Variants in P3H2 observed in about 807,000 individuals in gnomAD.
P3H2 encodes the protein prolyl 3-hydroxylase 2, also known as leprecan-like 1.
Under a neutral mutation model 87.0 loss-of-function variants are expected in P3H2, and 80 were observed. That is an observed-to-expected ratio of 0.92 (90% CI 0.77 to 1.11). P3H2 has a LOEUF of 1.11. Among genes scored for constraint, P3H2 ranks in the 50% least tolerant of loss-of-function variants. The pLI, the probability that P3H2 is intolerant of heterozygous loss-of-function variation, is 0.00. For synonymous variants in P3H2, 367 were observed against 359.3 expected, an observed-to-expected ratio of 1.02 and a Z score of -0.24; for missense variants, 1,001 against 923.9, an observed-to-expected ratio of 1.08 and a Z score of -1.08.
chr3:190,046,682 A>C (rs1725817390), intron 1 of P3H2, among the ~76,000 whole-genome samples: 1 of 152,196 alleles, frequency 6.6e-6, no homozygotes, highest in South Asian at 2.1e-4. Context: ...ATTGATGCAA[A>C]TGGATTTCTC....
chr3:190,022,617 T>C (rs535855456), intron 1 of P3H2, among the ~76,000 whole-genome samples: 1 of 128,094 alleles, frequency 7.8e-6, no homozygotes, highest in East Asian at 2.7e-4. Context: ...GTTGGCAATT[T>C]AGAGGGTTTC....
intron 1 of P3H2, among the ~76,000 whole-genome samples, chr3:190,064,522 T>A (rs2108968733): frequency 6.6e-6 from 1 of 152,194 alleles, no homozygotes; most frequent in South Asian, 2.1e-4. Context: ...TATATTTAAA[T>A]AACATCTGAT....
chr3:190,024,014 A>G (rs1725011297), intron 1 of P3H2, among the ~76,000 whole-genome samples: 1 of 152,172 alleles, frequency 6.6e-6, no homozygotes, highest in African/African-American at 2.4e-5. Context: ...TAAAATATAA[A>G]CATATGTGCT....
intron 1 of P3H2, among the ~76,000 whole-genome samples, chr3:190,095,303 CATAT>C (rs57074960): frequency 0.16 from 7,836 of 48,334 alleles, 317 homozygotes; most frequent in Admixed American, 0.2. Flanking sequence ...TGTCTCAAAA[CATAT>C]ATATATATAT....
intron 1 of P3H2, among the ~76,000 whole-genome samples, chr3:190,017,075 G>A (rs1459829396): frequency 6.6e-6 from 1 of 152,158 alleles, no homozygotes; most frequent in East Asian, 1.9e-4. Flanking sequence ...CCTTTAGATA[G>A]ATACATGCAT....
At chr3:189,961,009 C>T (rs979758897) in intron 14 of P3H2, among the ~76,000 whole-genome samples, 1 of 151,202 alleles carries the variant, frequency 6.6e-6, no homozygotes, top group African/African-American at 2.4e-5. Flanking sequence ...GGTGCGATCT[C>T]GGGTTACAGC....
chr3:190,109,443 C>G (rs962933688), intron 1 of P3H2, among the ~76,000 whole-genome samples: 11 of 152,186 alleles, frequency 7.2e-5, no homozygotes, highest in African/African-American at 2.7e-4. Flanking sequence ...AGAAAACGTA[C>G]AGGTTGCAGT....
intron 1 of P3H2, among the ~76,000 whole-genome samples, chr3:190,073,826 C>A (rs748616911): frequency 6.6e-6 from 1 of 152,188 alleles, no homozygotes; most frequent in Non-Finnish European, 1.5e-5. Flanking sequence ...CAAGGCCATA[C>A]CTCAAATGAG....
chr3:190,010,383 T>A (rs890938203), intron 1 of P3H2, among the ~76,000 whole-genome samples: 1 of 152,214 alleles, frequency 6.6e-6, no homozygotes, highest in African/African-American at 2.4e-5. Context: ...ACTAGTATTT[T>A]AGAATATGGC....
At position 190,118,628 on chromosome 3, in the gene P3H2, C is replaced by T. The variant is rs545565433; in HGVS notation, c.480+1624G>A. ...AAGATACTAGTCCAGTGAACTCCAA[C>T]ACCTTAGCCACAACACAAGGAAGTT... On this transcript the variant is annotated intron_variant, in intron 1 of 14. Transcript: ENST00000319332. Among the ~76,000 whole-genome samples the T allele has an allele frequency of 7.9e-5, 12 of 152,076 alleles. No homozygotes were observed. The South Asian group carries it at 2.5e-3, about 32-fold the overall frequency.
At chr3:190,067,746 G>A (rs1726558723) in intron 1 of P3H2, among the ~76,000 whole-genome samples, 1 of 151,884 alleles carries the variant, frequency 6.6e-6, no homozygotes, top group Non-Finnish European at 1.5e-5. Flanking sequence ...AAGTATTTCT[G>A]GGGGGGAATA....
chr3:190,026,648 G>A (rs1013040767), intron 1 of P3H2, among the ~76,000 whole-genome samples: 4 of 152,142 alleles, frequency 2.6e-5, no homozygotes, highest in African/African-American at 4.8e-5. Flanking sequence ...AGCAGCCCTT[G>A]GGCTACTCTG....
chr3:190,055,000 G>T (rs1726104300), intron 1 of P3H2, among the ~76,000 whole-genome samples: 1 of 152,032 alleles, frequency 6.6e-6, no homozygotes, highest in Admixed American at 6.6e-5. Flanking sequence ...TGTTCATTAG[G>T]CCTCCCAATT....
intron 1 of P3H2, among the ~76,000 whole-genome samples, chr3:190,041,739 C>T (rs541990193): frequency 6.6e-6 from 1 of 152,272 alleles, no homozygotes; most frequent in South Asian, 2.1e-4. Context: ...AGGAAAGAGA[C>T]ACTCTGCTTT....
intron 1 of P3H2, among the ~76,000 whole-genome samples, chr3:190,007,187 G>T (rs950266401): frequency 6.6e-6 from 1 of 152,142 alleles, no homozygotes; most frequent in African/African-American, 2.4e-5. Flanking sequence ...CCTGGTTGTT[G>T]TAGGACTAAG....
rs1285826713 is a variant in P3H2 at position 189,997,593 on chromosome 3, C to T, written c.481-2151G>A. Reference sequence around the variant, plus strand: ...CTCTTAACACAAAAACATAAACTGCCCTGTTTTAAGACCTAACATCCCATA... The same window carrying T: ...CTCTTAACACAAAAACATAAACTGCTCTGTTTTAAGACCTAACATCCCATA... On this transcript the variant is annotated intron_variant, in intron 1 of 14. Coordinates refer to ENST00000319332, the MANE Select transcript of P3H2 (RefSeq NM_018192.4). Among the ~76,000 whole-genome samples, 4 of 152,142 alleles carry T rather than the reference C, an allele frequency of 2.6e-5. No individual in the cohort carries two copies. In the East Asian group the frequency reaches 7.7e-4, roughly 29 times the overall value.
rs772218098 is a variant in P3H2, at chr3:189,974,603, G to T, written c.1407C>A (p.Asn469Lys). 7 of 1,614,110 alleles carry T rather than the reference G, an allele frequency of 4.3e-6. No individual in the cohort carries two copies. In the East Asian group the frequency reaches 1.6e-4, roughly 36 times the overall value. ...LNGTQRVLLD[N>K]VLSEEQCREL... is the part of the protein sequence containing the mutation. The stretch of plus-strand genomic sequence containing the variant: ...CCCGGCACTGTTCTTCCGACAGGAC[G>T]TTATCCAGGAGAACCCGCTGAGTCC... Residue 469 changes from asparagine to lysine, a missense_variant, in exon 9 of 15, where the codon AAC (asparagine) becomes AAA (lysine). Asn to Lys is a moderately conservative substitution (Grantham distance 94). Transcript: ENST00000319332.
At chr3:190,059,805 C>A (rs1056040449) in intron 1 of P3H2, among the ~76,000 whole-genome samples, 1 of 152,174 alleles carries the variant, frequency 6.6e-6, no homozygotes, top group Non-Finnish European at 1.5e-5. Context: ...TCCACAGTGT[C>A]TTCTTGTTCA....
At position 190,011,767 on chromosome 3, in the gene P3H2, T is replaced by C. The variant is rs138672008; in HGVS notation, c.481-16325A>G. On this transcript the variant is annotated intron_variant, in intron 1 of 14. Transcript: ENST00000319332. The stretch of plus-strand genomic sequence containing the variant: ...AACACAATCATATGGTAGAGTATTA[T>C]ATGCCCACTGAGAATAATTAGAATG... Among the ~76,000 whole-genome samples the C allele has an allele frequency of 8.1e-3, 1,227 of 152,326 alleles. 19 individuals carry two copies. The highest frequency in any genetic ancestry group is 0.027 in the African/African-American group (1,115 of 41,562).
Sources: gnomAD v4.1 joint callset for allele counts (sites outside exome capture counted in the v4.1 genomes callset) on GRCh38, gnomAD v4.1.1 for gene constraint, MANE v1.5 for transcripts, NCBI Gene and HGNC (gene_info 2026-07-23, HGNC 2026-07-21) for gene names.